Variants in ZFAND3 observed in about 807,000 individuals in gnomAD.
ZFAND3 encodes zinc finger AN1-type containing 3, also known as AN1-type zinc finger protein 3.
Under a neutral mutation model 29.6 loss-of-function variants are expected in ZFAND3, and 10 were observed. The observed-to-expected ratio is 0.34, with a 90% CI of 0.21 to 0.57. The LOEUF is 0.57. Among genes scored for constraint, ZFAND3 ranks in the 20% least tolerant of loss-of-function variants. The probability of loss-of-function intolerance (pLI) is 0.86; values close to 1 mark genes in which losing one functional copy is unlikely to be tolerated. For missense variants in ZFAND3, 230 were observed against 304.5 expected, an observed-to-expected ratio of 0.76 and a Z score of 1.82; for synonymous variants, 128 against 112.6, an observed-to-expected ratio of 1.14 and a Z score of -0.87.
chr6:38,133,450 A>C (rs1765780490), intron 5 of ZFAND3, among the ~76,000 whole-genome samples: 1 of 151,940 alleles, frequency 6.6e-6, no homozygotes, highest in African/African-American at 2.4e-5. Flanking sequence ...TTTGACTCTT[A>C]AGAGCATTGT....
chr6:38,144,835 T>A (rs1385339428), intron 5 of ZFAND3, among the ~76,000 whole-genome samples: 1 of 152,206 alleles, frequency 6.6e-6, no homozygotes, highest in Non-Finnish European at 1.5e-5. Context: ...TCCAAAAGTA[T>A]CCAGAGCTGT....
intron 2 of ZFAND3, among the ~76,000 whole-genome samples, chr6:37,937,414 T>C (rs986344328): frequency 1.3e-5 from 2 of 152,072 alleles, no homozygotes; most frequent in African/African-American, 4.8e-5. Context: ...CCTAACACTT[T>C]GGAAGGCTGA....
At chr6:37,844,901 A>G (rs938199533) in intron 1 of ZFAND3, among the ~76,000 whole-genome samples, 24 of 151,056 alleles carry the variant, frequency 1.6e-4, no homozygotes, top group Non-Finnish European at 3.1e-4. Context: ...GCGGGCGCCT[A>G]TAGTCCCAGC....
At chr6:37,979,524 T>C (rs1284438530) in intron 2 of ZFAND3, among the ~76,000 whole-genome samples, 3 of 152,214 alleles carry the variant, frequency 2.0e-5, no homozygotes, top group Non-Finnish European at 4.4e-5. Context: ...GGAGAGGTGC[T>C]CAATGTAGAG....
intron 1 of ZFAND3, among the ~76,000 whole-genome samples, chr6:37,868,096 T>G (rs917836495): frequency 2.6e-5 from 4 of 152,250 alleles, no homozygotes; most frequent in Admixed American, 2.6e-4. Flanking sequence ...TTTACTAGAT[T>G]GAAATTTCCT....
chr6:38,073,149 T>A (rs1381045263), intron 3 of ZFAND3, among the ~76,000 whole-genome samples: 1 of 152,128 alleles, frequency 6.6e-6, no homozygotes. Context: ...TGTTCCAAGT[T>A]GTTTTTACAA....
chr6:37,986,769 C>G (rs1421076889), intron 2 of ZFAND3, among the ~76,000 whole-genome samples: 1 of 152,084 alleles, frequency 6.6e-6, no homozygotes, highest in African/African-American at 2.4e-5. Flanking sequence ...ATTTAACTAT[C>G]CATACTTAAC....
At chr6:37,827,489 C>T (rs1166290096) in intron 1 of ZFAND3, among the ~76,000 whole-genome samples, 2 of 152,154 alleles carry the variant, frequency 1.3e-5, no homozygotes, top group African/African-American at 4.8e-5. Context: ...AAATGTAAAT[C>T]TCATGGCAGC....
chr6:37,830,554 A>G (rs192704414), intron 1 of ZFAND3, among the ~76,000 whole-genome samples: 1 of 152,350 alleles, frequency 6.6e-6, no homozygotes, highest in East Asian at 1.9e-4. Context: ...GCTTTCAGCA[A>G]AATTGGTGTT....
intron 1 of ZFAND3, among the ~76,000 whole-genome samples, chr6:37,913,703 A>G (rs1765562994): frequency 8.1e-6 from 1 of 123,202 alleles, no homozygotes; most frequent in African/African-American, 3.0e-5. Flanking sequence ...TATGGCAGCT[A>G]TATTCTTTTT....
intron 2 of ZFAND3, among the ~76,000 whole-genome samples, chr6:37,997,169 A>G (rs1762864986): frequency 6.6e-6 from 1 of 152,186 alleles, no homozygotes; most frequent in African/African-American, 2.4e-5. Flanking sequence ...TAAATAGTAG[A>G]AAGGGGTTTA....
chr6:38,140,066 C>T (rs1010843037), intron 5 of ZFAND3, among the ~76,000 whole-genome samples: 5 of 152,138 alleles, frequency 3.3e-5, no homozygotes, highest in Non-Finnish European at 5.9e-5. Context: ...CATGGTGGCC[C>T]TATTCTCTTA....
chr6:38,137,555 C>G (rs935298508), intron 5 of ZFAND3, among the ~76,000 whole-genome samples: 1 of 152,202 alleles, frequency 6.6e-6, no homozygotes, highest in Admixed American at 6.5e-5. Context: ...ACAAAAGTCC[C>G]TGACCTCTTG....
intron 2 of ZFAND3, among the ~76,000 whole-genome samples, chr6:37,957,195 T>C (rs1333728554): frequency 6.6e-6 from 1 of 152,214 alleles, no homozygotes; most frequent in Non-Finnish European, 1.5e-5. Flanking sequence ...TCCTCTCTTT[T>C]CAGGAATAAC....
chr6:38,135,108 C>T (rs549756898), intron 5 of ZFAND3, among the ~76,000 whole-genome samples: 93 of 152,098 alleles, frequency 6.1e-4, no homozygotes, highest in Non-Finnish European at 9.6e-4. Context: ...GGGACAGGAC[C>T]CATGAGGGGC....
chr6:37,919,182 C>T (rs888192292), intron 1 of ZFAND3, among the ~76,000 whole-genome samples: 2 of 151,868 alleles, frequency 1.3e-5, no homozygotes, highest in African/African-American at 4.8e-5. Context: ...TGAATCTCCT[C>T]ACCTCATGAT....
At chr6:37,838,072 T>A (rs1561906155) in intron 1 of ZFAND3, among the ~76,000 whole-genome samples, 1 of 152,218 alleles carries the variant, frequency 6.6e-6, no homozygotes, top group Non-Finnish European at 1.5e-5. Context: ...GCTACATTTG[T>A]AGACAAGGAC....
intron 1 of ZFAND3, among the ~76,000 whole-genome samples, chr6:37,851,927 C>T (rs1475439223): frequency 1.3e-5 from 2 of 152,110 alleles, no homozygotes; most frequent in African/African-American, 2.4e-5. Flanking sequence ...TCTTTAAAGG[C>T]ACAGAAACAA....
intron 2 of ZFAND3, among the ~76,000 whole-genome samples, chr6:37,989,944 C>T (rs1272284889): frequency 2.0e-5 from 3 of 152,132 alleles, no homozygotes; most frequent in Non-Finnish European, 2.9e-5. Flanking sequence ...GCAGTTTTCT[C>T]GAAGAGTTTC....
Sources: gnomAD v4.1 joint callset for allele counts (sites outside exome capture counted in the v4.1 genomes callset) on GRCh38, gnomAD v4.1.1 for gene constraint, MANE v1.5 for transcripts, NCBI Gene and HGNC (gene_info 2026-07-23, HGNC 2026-07-21) for gene names.